Variants in ERI1 observed in about 807,000 individuals in gnomAD.
The protein encoded by ERI1 is exoribonuclease 1.
Under a neutral mutation model 39.7 loss-of-function variants are expected in ERI1, and 39 were observed. The observed-to-expected ratio is 0.98, with a 90% confidence interval of 0.76 to 1.28. ERI1 has a LOEUF of 1.28. Among genes scored for constraint, ERI1 ranks in the 50% most tolerant of loss-of-function variants. ERI1 has a pLI of 0.00. For synonymous variants in ERI1, 204 were observed against 149.6 expected (o/e 1.36, Z -2.65); for missense variants, 581 against 416.9 (o/e 1.39, Z -3.43).
At chr8:9,018,272 G>T (rs745855584) in intron 4 of ERI1, 25 bp from the exon 5 acceptor site, 2 of 1,438,804 alleles carry the variant, frequency 1.4e-6, no homozygotes, top group Non-Finnish European at 1.9e-6. Context: ...CCTGATTTTT[G>T]TATATTTTAC....
At chr8:9,087,690 A>G (rs1311661304) in intron 3 of ERI1, among the ~76,000 whole-genome samples, 1 of 152,212 alleles carries the variant, frequency 6.6e-6, no homozygotes, top group Non-Finnish European at 1.5e-5. Flanking sequence ...TTCAATAGAT[A>G]AATTTAGATC....
chr8:9,021,075 C>T (rs1391624809), intron 6 of ERI1, among the ~76,000 whole-genome samples: 18 of 152,178 alleles, frequency 1.2e-4, no homozygotes, highest in Non-Finnish European at 2.9e-5. Context: ...TCCTTCCCTT[C>T]CTGCATCTTC....
intron 2 of ERI1, chr8:9,009,034 A>G (rs765200410): frequency 1.1e-5 from 5 of 456,186 alleles, no homozygotes; most frequent in East Asian, 6.9e-5. Context: ...TTATGAAGGT[A>G]CAACTTGTAG....
At chr8:9,080,693 A>G (rs1799341656) in intron 3 of ERI1, among the ~76,000 whole-genome samples, 2 of 152,080 alleles carry the variant, frequency 1.3e-5, no homozygotes, top group Non-Finnish European at 2.9e-5. Context: ...CAGAGCTCTG[A>G]GTGTGGAATC....
chr8:9,039,682 A>G (rs1797957227), intron 3 of ERI1, among the ~76,000 whole-genome samples: 1 of 152,140 alleles, frequency 6.6e-6, no homozygotes, highest in South Asian at 2.1e-4. Context: ...TTAAGAATCA[A>G]ATAAAATTCT....
intron 3 of ERI1, among the ~76,000 whole-genome samples, chr8:9,047,219 A>G (rs1254193534): frequency 6.6e-6 from 1 of 152,092 alleles, no homozygotes; most frequent in Non-Finnish European, 1.5e-5. Flanking sequence ...TAAAAATCAA[A>G]CAGAGACATT....
chr8:9,012,791 C>G (rs1585195592), intron 3 of ERI1, among the ~76,000 whole-genome samples: 1 of 152,232 alleles, frequency 6.6e-6, no homozygotes, highest in Non-Finnish European at 1.5e-5. Flanking sequence ...CTTCATCCCA[C>G]TTCACTGCCA....
chr8:9,056,416 G>A (rs1176511060), intron 3 of ERI1, among the ~76,000 whole-genome samples: 1 of 152,242 alleles, frequency 6.6e-6, no homozygotes, highest in Non-Finnish European at 1.5e-5. Flanking sequence ...AAACAGAATC[G>A]AGTTGATGAG....
chr8:9,004,520 C>A (rs183823414), intron 1 of ERI1, among the ~76,000 whole-genome samples: 2 of 131,504 alleles, frequency 1.5e-5, no homozygotes, highest in Non-Finnish European at 3.1e-5. Flanking sequence ...TTACAAAAAG[C>A]CGGTCGTAGT....
At chr8:9,006,361 T>G (rs1241832685) in intron 1 of ERI1, among the ~76,000 whole-genome samples, 2 of 152,226 alleles carry the variant, frequency 1.3e-5, no homozygotes, top group African/African-American at 2.4e-5. Context: ...AGAAGAGGCC[T>G]AAGTGTTACT....
chr8:9,043,003 C>T (rs1798072715), intron 3 of ERI1, among the ~76,000 whole-genome samples: 1 of 152,294 alleles, frequency 6.6e-6, no homozygotes, highest in African/African-American at 2.4e-5. Flanking sequence ...GGCTGCACTT[C>T]CTGGCAGTAG....
At chr8:9,009,811 C>T (rs1034848535) in intron 2 of ERI1, among the ~76,000 whole-genome samples, 4 of 152,184 alleles carry the variant, frequency 2.6e-5, no homozygotes, top group Non-Finnish European at 4.4e-5. Flanking sequence ...AGATTATAGA[C>T]GTGAGCCATC....
At chr8:9,034,730 C>T (rs1797786009), downstream of ERI1, among the ~76,000 whole-genome samples, 3 of 151,992 alleles carry the variant, frequency 2.0e-5, no homozygotes, top group South Asian at 6.2e-4. Flanking sequence ...GGAAGAGTCA[C>T]ATGTCTTCCA....
intron 3 of ERI1, among the ~76,000 whole-genome samples, chr8:9,077,316 C>A (rs1799239217): frequency 6.6e-6 from 1 of 152,142 alleles, no homozygotes. Flanking sequence ...TTTCATGAAA[C>A]CTATGTAGAG....
intron 3 of ERI1, among the ~76,000 whole-genome samples, chr8:9,081,196 A>G (rs1327063060): frequency 1.3e-5 from 2 of 152,198 alleles, no homozygotes; most frequent in African/African-American, 4.8e-5. Context: ...CACCCATGTG[A>G]TCCAATCACC....
In ERI1 at chr8:9,018,353, G is replaced by A. The variant is rs756052538; in HGVS notation, c.639G>A (p.Trp213Ter). 6.2e-7 allele frequency: 1 copy of A among 1,612,226 alleles called. No individual in the cohort carries two copies. Among genetic ancestry groups the A allele is most frequent in the Admixed American group, 1.7e-5 (1 of 59,978 alleles). The change falls in exon 5 of 7, where the codon TGG (tryptophan) becomes TGA (stop). Residue 213 changes from tryptophan (W) to a stop codon, truncating the protein, a stop_gained. Coordinates refer to ENST00000250263, the MANE Select transcript of ERI1 (RefSeq NM_153332.4). LOFTEE classifies it high-confidence loss of function. The stretch of plus-strand genomic sequence containing the variant: ...AGGTACTAAAAAAAGTAATTGACTG[G>A]ATGAAATTGAAGGAATTAGGAACAA... ...FPQVLKKVID[W>*]MKLKELGTKY... is the part of the protein sequence containing the mutation.
At chr8:9,008,269 A>C in intron 2 of ERI1, 121 bp downstream of exon 2, 2 of 883,630 alleles carry the variant, frequency 2.3e-6, no homozygotes, top group Non-Finnish European at 3.2e-6. Context: ...TCCTATTAAC[A>C]GTTCACAAAA....
chr8:9,028,409 G>C (rs963440685), intron 6 of ERI1, among the ~76,000 whole-genome samples: 1 of 152,154 alleles, frequency 6.6e-6, no homozygotes, highest in Non-Finnish European at 1.5e-5. Context: ...AAGGTACAGG[G>C]TATATTGCAG....
intron 3 of ERI1, among the ~76,000 whole-genome samples, chr8:9,052,015 G>C (rs1425180395): frequency 6.6e-6 from 1 of 152,196 alleles, no homozygotes; most frequent in Non-Finnish European, 1.5e-5. Context: ...TGCCAGCCCA[G>C]ATCTCATAGG....
Sources: gnomAD v4.1 joint callset for allele counts (sites outside exome capture counted in the v4.1 genomes callset) on GRCh38, gnomAD v4.1.1 for gene constraint, MANE v1.5 for transcripts, NCBI Gene and HGNC (gene_info 2026-07-23, HGNC 2026-07-21) for gene names.